Variants in ZHX2 observed in about 807,000 individuals in gnomAD.
The protein encoded by ZHX2 is zinc fingers and homeoboxes protein 2.
Under a neutral mutation model 21.9 loss-of-function variants are expected in ZHX2, and 6 were observed. The observed-to-expected ratio is 0.27, with a 90% CI of 0.15 to 0.54. The LOEUF (loss-of-function observed/expected upper bound fraction) is 0.54. Ranked by LOEUF, ZHX2 falls within the 20% of genes least tolerant of loss-of-function variation. The probability of loss-of-function intolerance (pLI) is 0.95; values close to 1 mark genes in which losing one functional copy is unlikely to be tolerated. For missense variants in ZHX2, 908 were observed against 1,090.7 expected, an observed-to-expected ratio of 0.83 and a Z score of 2.36; for synonymous variants, 434 against 437.1, an observed-to-expected ratio of 0.99 and a Z score of 0.09.
At chr8:122,942,658 G>T (rs780747339) in intron 2 of ZHX2, among the ~76,000 whole-genome samples, 4 of 152,116 alleles carry the variant, frequency 2.6e-5, no homozygotes, top group Non-Finnish European at 4.4e-5. Flanking sequence ...ACCTCCCCCA[G>T]ATGCATCCCT....
intron 3 of ZHX2, among the ~76,000 whole-genome samples, chr8:122,966,271 G>C (rs1813583515): frequency 6.6e-6 from 1 of 151,968 alleles, no homozygotes; most frequent in African/African-American, 2.4e-5. Flanking sequence ...GCTTTAAGAA[G>C]GTTCTATTTT....
At chr8:122,812,402 A>G (rs1227457593) in intron 1 of ZHX2, among the ~76,000 whole-genome samples, 5 of 152,184 alleles carry the variant, frequency 3.3e-5, no homozygotes, top group Admixed American at 3.3e-4. Context: ...ACTGAGATAC[A>G]TTGCCAAAAG....
Position 122,951,848 on chromosome 8 carries a change from C to T in ZHX2, c.338C>T (p.Ala113Val). ...ATTCTCAACCCCCTCTACGTGTGTG[C>T]AGAATGTAACTTCACAACCAAAAAG... ...NVILNPLYVC[A>V]ECNFTTKKYD... The change falls in exon 3 of 4, where the codon GCA (alanine) becomes GTA (valine). Residue 113 changes from alanine to valine, a missense_variant. This residue lies in a region of ZHX2 where 220 missense variants were observed against 251.4 expected (regional missense o/e 0.88). Transcript: ENST00000314393. The T allele has an allele frequency of 1.2e-6, 2 of 1,614,126 alleles. No individual in the cohort carries two copies. Among genetic ancestry groups the T allele is most frequent in the Non-Finnish European group, 1.7e-6 (2 of 1,180,040 alleles).
At chr8:122,922,017 C>G (rs1234255867) in intron 2 of ZHX2, among the ~76,000 whole-genome samples, 1 of 152,154 alleles carries the variant, frequency 6.6e-6, no homozygotes, top group Non-Finnish European at 1.5e-5. Context: ...CCTCTAGAAG[C>G]TGTGCCTCTT....
At chr8:122,814,134 T>C (rs1398132764) in intron 1 of ZHX2, among the ~76,000 whole-genome samples, 1 of 152,234 alleles carries the variant, frequency 6.6e-6, no homozygotes, top group Non-Finnish European at 1.5e-5. Context: ...GAATATAGCC[T>C]TTGCAACTCC....
intron 1 of ZHX2, among the ~76,000 whole-genome samples, chr8:122,830,852 A>G (rs1366773976): frequency 6.6e-6 from 1 of 152,220 alleles, no homozygotes; most frequent in Non-Finnish European, 1.5e-5. Context: ...GGTGTTGCAC[A>G]GTTTCATGAG....
intron 2 of ZHX2, among the ~76,000 whole-genome samples, chr8:122,897,887 A>G (rs1023607863): frequency 6.6e-5 from 10 of 152,288 alleles, no homozygotes; most frequent in African/African-American, 2.4e-4. Context: ...GTGGTGGCCT[A>G]GATCGCTGAA....
At chr8:122,957,774 G>T (rs184987744) in intron 3 of ZHX2, among the ~76,000 whole-genome samples, 124 of 152,202 alleles carry the variant, frequency 8.1e-4, no homozygotes, top group Middle Eastern at 3.4e-3. Flanking sequence ...CCCCACCATT[G>T]GAGTTCCATG....
intron 2 of ZHX2, among the ~76,000 whole-genome samples, chr8:122,939,538 T>C (rs2130196637): frequency 6.6e-6 from 1 of 152,264 alleles, no homozygotes; most frequent in South Asian, 2.1e-4. Flanking sequence ...CCATGAGTGC[T>C]GAGCTGGAGG....
intron 3 of ZHX2, among the ~76,000 whole-genome samples, chr8:122,970,793 C>A (rs1383002610): frequency 1.3e-5 from 2 of 152,226 alleles, no homozygotes; most frequent in African/African-American, 4.8e-5. Flanking sequence ...CCGTGGGCTA[C>A]TGTGCCAACC....
intron 1 of ZHX2, among the ~76,000 whole-genome samples, chr8:122,812,516 C>T (rs1817953037): frequency 6.6e-6 from 1 of 152,150 alleles, no homozygotes; most frequent in Non-Finnish European, 1.5e-5. Flanking sequence ...GTTCGGGTTC[C>T]CTGATTCTTG....
intron 2 of ZHX2, among the ~76,000 whole-genome samples, chr8:122,878,960 T>C (rs189867987): frequency 3.6e-4 from 55 of 152,278 alleles, no homozygotes; most frequent in African/African-American, 1.2e-3. Context: ...TGACCCAAAG[T>C]GTCCACAGAG....
At chr8:122,897,462 G>T (rs1467307163) in intron 2 of ZHX2, among the ~76,000 whole-genome samples, 1 of 152,094 alleles carries the variant, frequency 6.6e-6, no homozygotes, top group Non-Finnish European at 1.5e-5. Flanking sequence ...AAGTCTAATT[G>T]TTTCTGGAGA....
At chr8:122,915,135 G>T (rs2130037601) in intron 2 of ZHX2, among the ~76,000 whole-genome samples, 1 of 152,252 alleles carries the variant, frequency 6.6e-6, no homozygotes, top group African/African-American at 2.4e-5. Flanking sequence ...TCCAATCCCT[G>T]AGCTTTACAG....
At chr8:122,972,904 G>T (rs145178921) in intron 3 of ZHX2, among the ~76,000 whole-genome samples, 1 of 152,162 alleles carries the variant, frequency 6.6e-6, no homozygotes, top group Non-Finnish European at 1.5e-5. Context: ...GAGCCACTGG[G>T]ACTGGTTGAC....
Position 122,952,984 on chromosome 8 carries a change from TATCGGTG to T in ZHX2, c.1475_1481del (p.Tyr492PhefsTer56). 1 of 1,613,830 alleles carries T rather than the reference TATCGGTG, an allele frequency of 6.2e-7. No homozygotes were observed. The highest frequency in any genetic ancestry group is 8.5e-7 in the Non-Finnish European group (1 of 1,179,988). On this transcript the variant is annotated frameshift_variant, in exon 3 of 4. Transcript: ENST00000314393. LOFTEE classifies it low-confidence loss of function (END_TRUNC). The surrounding 1 kb of genome is among the most constrained non-coding windows in gnomAD (Gnocchi z 6.9). ...CAAGAAGTGGTTCAGTGACCACCGA[TATCGGTG>T]TCAAAGGGGCATCGTCCACATCACC...
intron 1 of ZHX2, among the ~76,000 whole-genome samples, chr8:122,792,783 T>C (rs1817542642): frequency 6.6e-6 from 1 of 152,030 alleles, no homozygotes. Context: ...GCAAATGAGG[T>C]ACCCAGCGTG....
At chr8:122,836,415 G>C (rs909757484) in intron 1 of ZHX2, among the ~76,000 whole-genome samples, 2 of 152,218 alleles carry the variant, frequency 1.3e-5, no homozygotes, top group African/African-American at 4.8e-5. Flanking sequence ...TAGGTCCACA[G>C]GGGATGCAGA....
chr8:122,866,819 C>CTTTATTT (rs1411796734), intron 2 of ZHX2, among the ~76,000 whole-genome samples: 1 of 152,038 alleles, frequency 6.6e-6, no homozygotes, highest in Admixed American at 6.5e-5. Context: ...AAAATAATTT[C>CTTTATTT]TTTATTTTTT....
Sources: gnomAD v4.1 joint callset for allele counts (sites outside exome capture counted in the v4.1 genomes callset) on GRCh38, gnomAD v4.1.1 for gene constraint, gnomAD v4.1.1 regional missense constraint, Gnocchi (gnomAD v3.1) non-coding constraint, MANE v1.5 for transcripts, NCBI Gene and HGNC (gene_info 2026-07-23, HGNC 2026-07-21) for gene names.